The following HNMT variants were observed in gnomAD, a reference collection of about 807,000 sequenced individuals.
HNMT encodes histamine N-methyltransferase.
HNMT carries 30 observed loss-of-function variants against 32.1 expected under a neutral mutation model. That is an observed-to-expected ratio of 0.93 (90% CI 0.70 to 1.27). The LOEUF (loss-of-function observed/expected upper bound fraction) is 1.27, where lower values mean the gene tolerates loss of function less well. Ranked by LOEUF, HNMT falls within the 50% of genes most tolerant of loss-of-function variation. The pLI is 0.00. For synonymous variants in HNMT, 125 were observed against 119.0 expected (o/e 1.05, Z -0.33); for missense variants, 327 against 346.0 (o/e 0.95, Z 0.43).
At chr2:137,991,108 T>C (rs115471143) in intron 2 of HNMT, among the ~76,000 whole-genome samples, 1 of 152,182 alleles carries the variant, frequency 6.6e-6, no homozygotes, top group Non-Finnish European at 1.5e-5. Flanking sequence ...TAAAGGATGT[T>C]ACAAAGGCTA....
intron 2 of HNMT, among the ~76,000 whole-genome samples, chr2:137,994,178 C>T (rs189156063): frequency 1.3e-5 from 2 of 152,212 alleles, no homozygotes; most frequent in East Asian, 3.9e-4. Flanking sequence ...TGATACTAAC[C>T]TTAAATGTAA....
chr2:137,985,684 AACAG>A (rs773278181), intron 2 of HNMT, among the ~76,000 whole-genome samples: 4 of 152,330 alleles, frequency 2.6e-5, no homozygotes, highest in Non-Finnish European at 4.4e-5. Context: ...ACTTGCCCAG[AACAG>A]ACAGTCTCCC....
chr2:137,981,140 G>GA (rs1680481862), intron 2 of HNMT: 1 of 1,479,218 alleles, frequency 6.8e-7, no homozygotes, highest in African/African-American at 1.4e-5. Flanking sequence ...TATGAGAAAA[G>GA]AAGCAGGGAT....
At position 138,014,213 on chromosome 2, in the gene HNMT, T is replaced by C; in HGVS notation, c.*83T>C. ...TTATTTCCATATTAAAATCACAAAC[T>C]CATCCATTAATGTAGATAAAGCACT... On this transcript the variant is annotated 3_prime_UTR_variant, in exon 6 of 6. Transcript: ENST00000280097. The C allele has an allele frequency of 1.1e-6, 1 of 887,106 alleles. No homozygotes were observed. The highest frequency in any genetic ancestry group is 1.8e-5 in the South Asian group (1 of 57,076). The allele number at this position is 887,106 out of a possible 1,614,324, so 55.0% of individuals were successfully genotyped here.
intron 2 of HNMT, among the ~76,000 whole-genome samples, chr2:137,973,415 T>C (rs1680193048): frequency 6.6e-6 from 1 of 152,168 alleles, no homozygotes; most frequent in African/African-American, 2.4e-5. Flanking sequence ...TATTCTAAGA[T>C]CTACAGGGTG....
At chr2:137,978,670 A>G (rs868346875) in intron 2 of HNMT, among the ~76,000 whole-genome samples, 176 of 138,128 alleles carry the variant, frequency 1.3e-3, no homozygotes, top group African/African-American at 4.5e-3. Flanking sequence ...ATATGATTAG[A>G]TAATATAGTA....
intron 2 of HNMT, among the ~76,000 whole-genome samples, chr2:137,993,959 C>G (rs1405393052): frequency 1.3e-5 from 2 of 152,096 alleles, no homozygotes; most frequent in African/African-American, 4.8e-5. Flanking sequence ...CCTTTCCAGA[C>G]AAGCAAATGC....
At chr2:137,983,430 A>G (rs1330611603) in intron 2 of HNMT, among the ~76,000 whole-genome samples, 1 of 152,180 alleles carries the variant, frequency 6.6e-6, no homozygotes, top group Non-Finnish European at 1.5e-5. Context: ...ATTTTTATAC[A>G]ATATACATAT....
chr2:137,980,688 A>G (rs530587389), intron 2 of HNMT, among the ~76,000 whole-genome samples: 13 of 152,322 alleles, frequency 8.5e-5, no homozygotes, highest in African/African-American at 3.1e-4. Flanking sequence ...TCCTGGGCCA[A>G]GAACCAGAAG....
intron 1 of HNMT, among the ~76,000 whole-genome samples, chr2:137,969,158 A>C (rs1039014281): frequency 2.0e-5 from 3 of 152,118 alleles, no homozygotes; most frequent in African/African-American, 7.2e-5. Context: ...TCTGCCTCCA[A>C]TTACTCTGGT....
At position 138,014,972 on chromosome 2, in the gene HNMT, T is replaced by G. The variant is rs1278805333; in HGVS notation, c.*842T>G. 6.6e-6 allele frequency: 1 copy of G among 152,052 alleles called. No individual in the cohort carries two copies. Among genetic ancestry groups the G allele is most frequent in the Non-Finnish European group, 1.5e-5 (1 of 67,996 alleles). The allele number at this position is 152,052 out of a possible 1,614,324, so 9.4% of individuals were successfully genotyped here. On this transcript the variant is annotated 3_prime_UTR_variant, in exon 6 of 6. Coordinates refer to ENST00000280097, the MANE Select transcript of HNMT (RefSeq NM_006895.3). ...TAATAGCCAGATGTATAAACAAAAT[T>G]TATTGAAGAACAAAGAAACACAAAA... is the stretch of plus-strand genomic sequence containing the variant.
chr2:137,980,458 C>A (rs1680457795), intron 2 of HNMT, among the ~76,000 whole-genome samples: 1 of 152,192 alleles, frequency 6.6e-6, no homozygotes, highest in Non-Finnish European at 1.5e-5. Flanking sequence ...TACTTCAGCT[C>A]TGAGGACAGT....
intron 2 of HNMT, among the ~76,000 whole-genome samples, chr2:137,996,888 C>G (rs1681013620): frequency 3.3e-5 from 5 of 152,142 alleles, no homozygotes; most frequent in Admixed American, 2.6e-4. Flanking sequence ...ACCATCTGAT[C>G]TTCAACAAAC....
chr2:138,010,441 GCACACACACACACA>G (rs56391028), intron 5 of HNMT, among the ~76,000 whole-genome samples: 34 of 125,702 alleles, frequency 2.7e-4, no homozygotes, highest in African/African-American at 8.9e-4. Context: ...AAAGACACAC[GCACACACACACACA>G]CACACACACA....
intron 5 of HNMT, among the ~76,000 whole-genome samples, chr2:138,010,792 C>A (rs1328480557): frequency 6.6e-6 from 1 of 151,942 alleles, no homozygotes; most frequent in Non-Finnish European, 1.5e-5. Flanking sequence ...AGTTGGATTT[C>A]TTTAAAAAAT....
intron 2 of HNMT, 132 bp downstream of exon 2, chr2:137,970,349 T>C: frequency 1.4e-5 from 7 of 513,190 alleles, no homozygotes; most frequent in Non-Finnish European, 2.4e-5. Context: ...AAACTAGCAA[T>C]ATTACTTCAA....
rs115677831 is a variant in HNMT, at chr2:138,003,483, A to G, written c.429+1289A>G. 6.3e-3 allele frequency among the ~76,000 whole-genome samples: 955 copies of G among 152,244 alleles called. 16 individuals carry two copies. Among genetic ancestry groups the G allele is most frequent in the African/African-American group, 0.022 (907 of 41,564 alleles). The stretch of plus-strand genomic sequence containing the variant: ...AGAAGTCAAAGGAAGAAATACTCCA[A>G]TTGTGTCATATACAGGCAATTCTAT... On this transcript the variant is annotated intron_variant, in intron 4 of 5. Transcript: ENST00000280097.
intron 2 of HNMT, among the ~76,000 whole-genome samples, chr2:137,975,049 TTAGTC>T (rs1349623065): frequency 2.0e-5 from 3 of 152,176 alleles, no homozygotes; most frequent in Non-Finnish European, 4.4e-5. Flanking sequence ...TCTCTTGACT[TTAGTC>T]CAGTCCAACA....
chr2:137,965,700 T>C (rs573426780), intron 1 of HNMT, among the ~76,000 whole-genome samples: 1 of 152,304 alleles, frequency 6.6e-6, no homozygotes, highest in African/African-American at 2.4e-5. Context: ...GAACTAATTA[T>C]AGTTAACCTC....
Sources: gnomAD v4.1 joint callset for allele counts (sites outside exome capture counted in the v4.1 genomes callset) on GRCh38, gnomAD v4.1.1 for gene constraint, MANE v1.5 for transcripts, NCBI Gene and HGNC (gene_info 2026-07-23, HGNC 2026-07-21) for gene names.